The following ZNF423 variants were observed in gnomAD, a reference collection of about 807,000 sequenced individuals.
ZNF423 encodes zinc finger protein 423, also known as Ebf-associated zinc finger protein.
In ZNF423, 12 loss-of-function variants were observed where a neutral mutation model predicts 95.8. The observed-to-expected ratio is 0.13, with a 90% CI of 0.08 to 0.20. ZNF423 has a LOEUF of 0.20. ZNF423 is among the 10% of genes least tolerant of loss of function. The pLI, the probability that ZNF423 is intolerant of heterozygous loss-of-function variation, is 1.00. For missense variants in ZNF423, 1,316 were observed against 1,737.1 expected (o/e 0.76, Z 4.31); for synonymous variants, 749 against 711.9 (o/e 1.05, Z -0.83).
intron 7 of ZNF423, among the ~76,000 whole-genome samples, chr16:49,523,205 A>T (rs947629697): frequency 3.3e-5 from 5 of 152,290 alleles, no homozygotes; most frequent in African/African-American, 1.2e-4. Context: ...TTTATGGACA[A>T]AACTGGAGGC....
chr16:49,511,506 C>T (rs1235713401), intron 7 of ZNF423, among the ~76,000 whole-genome samples: 1 of 152,218 alleles, frequency 6.6e-6, no homozygotes, highest in Non-Finnish European at 1.5e-5. Flanking sequence ...TGACATGGAC[C>T]TCATGCGTGA....
At chr16:49,493,107 C>G (rs1967039005) in intron 7 of ZNF423, among the ~76,000 whole-genome samples, 1 of 152,104 alleles carries the variant, frequency 6.6e-6, no homozygotes, top group African/African-American at 2.4e-5. Context: ...GGAACCCGCA[C>G]CCTCCAGCCG....
rs113583035 is a variant in ZNF423 at position 49,714,625 on chromosome 16, GA to G, written c.301+16145del. ...CTCGCCACTGCACTCCAGCCTGGGAGAAAAAAAAAAAAAACTGATGAGGCCG... is the reference window on the plus strand; with the variant it reads ...CTCGCCACTGCACTCCAGCCTGGGAGAAAAAAAAAAAAACTGATGAGGCCG... On this transcript the variant is annotated intron_variant, in intron 3 of 7. Coordinates refer to ENST00000563137, the MANE Select transcript of ZNF423 (RefSeq NM_001379286.1). Among the ~76,000 whole-genome samples the G allele has an allele frequency of 1.7e-3, 232 of 138,644 alleles. 1 individual carries two copies. Among genetic ancestry groups the G allele is most frequent in the South Asian group, 0.011 (48 of 4,202 alleles). The allele number at this position is 138,644 out of a possible 152,430, so 91.0% of individuals were successfully genotyped here. A position where few individuals can be genotyped will look rare whatever the true frequency, so the allele number is the denominator to read the frequency against.
At chr16:49,595,300 T>TA (rs1971148735) in intron 5 of ZNF423, among the ~76,000 whole-genome samples, 2 of 152,342 alleles carry the variant, frequency 1.3e-5, no homozygotes, top group African/African-American at 2.4e-5. Context: ...TCCCTGGACA[T>TA]ACTTCAGTGG....
intron 3 of ZNF423, among the ~76,000 whole-genome samples, chr16:49,718,483 C>T (rs367960082): frequency 1.3e-5 from 2 of 152,142 alleles, no homozygotes; most frequent in African/African-American, 4.8e-5. Flanking sequence ...CTCTTTCATC[C>T]GTTAAGTTTG....
chr16:49,618,423 G>A (rs974725150), intron 5 of ZNF423, among the ~76,000 whole-genome samples: 6 of 152,130 alleles, frequency 3.9e-5, no homozygotes, highest in Non-Finnish European at 7.4e-5. Flanking sequence ...CCCACGTGTC[G>A]AGAGAGGAAG....
intron 5 of ZNF423, among the ~76,000 whole-genome samples, chr16:49,561,395 A>G (rs1970011742): frequency 6.6e-6 from 1 of 152,336 alleles, no homozygotes; most frequent in East Asian, 1.9e-4. Flanking sequence ...ATATAGATAT[A>G]TACACATATA....
rs1335606088 is a variant in ZNF423, at chr16:49,490,091, C to G, written c.*1184G>C. Reference sequence around the variant, plus strand: ...CCAGTCTCAATGCTCTCACATCCTACTGATCTCTATGACTGGGAACCTGCG... The same window carrying G: ...CCAGTCTCAATGCTCTCACATCCTAGTGATCTCTATGACTGGGAACCTGCG... On this transcript the variant is annotated 3_prime_UTR_variant, in exon 8 of 8. Coordinates refer to ENST00000563137, the MANE Select transcript of ZNF423 (RefSeq NM_001379286.1). 6.6e-6 allele frequency: 1 copy of G among 152,330 alleles called. No homozygotes were observed. Among genetic ancestry groups the G allele is most frequent in the African/African-American group, 2.4e-5 (1 of 41,460 alleles). 9.4% of individuals were successfully genotyped at this position (152,330 alleles called of 1,614,324 possible). A position where few individuals can be genotyped will look rare whatever the true frequency, so the allele number is the denominator to read the frequency against.
At chr16:49,815,881 AATATATATATATATATATATAT>A (rs1169322824) in intron 1 of ZNF423, among the ~76,000 whole-genome samples, 1 of 47,590 alleles carries the variant, frequency 2.1e-5, no homozygotes, top group African/African-American at 9.9e-5. Flanking sequence ...AAAAAAAAAA[AATATATATATATATATATATAT>A]ATATATATAT....
chr16:49,718,376 A>G (rs1303814992), intron 3 of ZNF423, among the ~76,000 whole-genome samples: 1 of 152,208 alleles, frequency 6.6e-6, no homozygotes, highest in South Asian at 2.1e-4. Flanking sequence ...ACTGCACTCC[A>G]GTCTGGGTGA....
intron 1 of ZNF423, among the ~76,000 whole-genome samples, chr16:49,853,141 G>A (rs2035320060): frequency 6.6e-6 from 1 of 152,130 alleles, no homozygotes; most frequent in African/African-American, 2.4e-5. Context: ...AGCAGTGGAG[G>A]CAAAATAAAA....
Position 49,597,889 on chromosome 16 carries a change from T to A in ZNF423, c.3601+28281A>T, listed in dbSNP as rs181911099. On this transcript the variant is annotated intron_variant, in intron 5 of 7. Transcript: ENST00000563137. Reference sequence around the variant, plus strand: ...GGACCACAGCCCTGGCCTTGTTCATTCCTCAGTCAAAAAGGGCTGGAATAT... The same window carrying A: ...GGACCACAGCCCTGGCCTTGTTCATACCTCAGTCAAAAAGGGCTGGAATAT... Among the ~76,000 whole-genome samples, 6 of 152,248 alleles carry A rather than the reference T, an allele frequency of 3.9e-5. No individual in the cohort carries two copies. The East Asian group carries it at 1.2e-3, about 29-fold the overall frequency.
intron 5 of ZNF423, among the ~76,000 whole-genome samples, chr16:49,602,825 C>T (rs1458874743): frequency 6.6e-6 from 1 of 152,170 alleles, no homozygotes; most frequent in Non-Finnish European, 1.5e-5. Context: ...AAGTGGGAAC[C>T]AAGCCTCATT....
intron 5 of ZNF423, among the ~76,000 whole-genome samples, chr16:49,573,735 T>C (rs943873613): frequency 1.2e-4 from 18 of 152,154 alleles, no homozygotes; most frequent in Non-Finnish European, 2.1e-4. Context: ...ATTCAAACCA[T>C]TGCATCCATC....
intron 5 of ZNF423, among the ~76,000 whole-genome samples, chr16:49,607,699 T>C (rs1463117525): frequency 1.3e-5 from 2 of 152,258 alleles, no homozygotes; most frequent in African/African-American, 2.4e-5. Context: ...TATGTTCATG[T>C]TGACAATTTG....
At chr16:49,559,887 G>A (rs766734595) in intron 5 of ZNF423, among the ~76,000 whole-genome samples, 2 of 152,216 alleles carry the variant, frequency 1.3e-5, no homozygotes, top group South Asian at 2.1e-4. Context: ...AGGTGCAAAC[G>A]GTACCACTGC....
intron 1 of ZNF423, among the ~76,000 whole-genome samples, chr16:49,818,142 C>A (rs1036521511): frequency 6.6e-6 from 1 of 152,086 alleles, no homozygotes; most frequent in Non-Finnish European, 1.5e-5. Context: ...CAGTTGAAAT[C>A]TAATTCCCCT....
intron 5 of ZNF423, among the ~76,000 whole-genome samples, chr16:49,606,525 T>A (rs768787369): frequency 6.6e-6 from 1 of 152,148 alleles, no homozygotes; most frequent in Non-Finnish European, 1.5e-5. Flanking sequence ...GTAGCCCTGA[T>A]GGACTGGGGG....
At chr16:49,832,835 C>A (rs1283445723) in intron 1 of ZNF423, among the ~76,000 whole-genome samples, 1 of 152,198 alleles carries the variant, frequency 6.6e-6, no homozygotes, top group Non-Finnish European at 1.5e-5. Context: ...AGGATGGTAG[C>A]CAAGCCTGAA....
Sources: allele counts gnomAD v4.1 joint callset (sites outside exome capture counted in the v4.1 genomes callset), GRCh38; gene constraint gnomAD v4.1.1; transcripts MANE v1.5; gene names NCBI Gene and HGNC (gene_info 2026-07-23, HGNC 2026-07-21).